Variants in FAM13A observed in about 807,000 individuals in gnomAD.
FAM13A encodes the protein protein FAM13A.
FAM13A carries 76 observed loss-of-function variants against 129.6 expected under a neutral mutation model. That is an observed-to-expected ratio of 0.59 (90% CI 0.49 to 0.71). FAM13A has a LOEUF of 0.71. FAM13A is among the 30% of genes least tolerant of loss of function. The pLI is 0.00. For synonymous variants in FAM13A, 443 were observed against 449.9 expected, an observed-to-expected ratio of 0.98 and a Z score of 0.20; for missense variants, 1,108 against 1,249.3, an observed-to-expected ratio of 0.89 and a Z score of 1.70.
chr4:88,738,262 A>G (rs1439197985), intron 20 of FAM13A, among the ~76,000 whole-genome samples: 1 of 152,216 alleles, frequency 6.6e-6, no homozygotes, highest in Non-Finnish European at 1.5e-5. Context: ...TGTGTCTGCT[A>G]AAGAGCCTAA....
At chr4:88,987,043 C>A (rs1426967967) in intron 4 of FAM13A, among the ~76,000 whole-genome samples, 5 of 152,144 alleles carry the variant, frequency 3.3e-5, no homozygotes, top group African/African-American at 1.2e-4. Flanking sequence ...CCTGAGACAT[C>A]ATCTTTAGCT....
chr4:88,802,058 G>A (rs1727573798), intron 8 of FAM13A, among the ~76,000 whole-genome samples: 2 of 152,062 alleles, frequency 1.3e-5, no homozygotes, highest in African/African-American at 2.4e-5. Context: ...CCACCAAGTT[G>A]TTTTGATGCT....
At chr4:88,896,165 C>G (rs905038413) in intron 6 of FAM13A, among the ~76,000 whole-genome samples, 4 of 151,338 alleles carry the variant, frequency 2.6e-5, no homozygotes, top group African/African-American at 9.7e-5. Flanking sequence ...TAAACTATAG[C>G]AAGAACAAAA....
chr4:89,025,199 T>C (rs1377310482), intron 2 of FAM13A, among the ~76,000 whole-genome samples: 1 of 151,418 alleles, frequency 6.6e-6, no homozygotes, highest in African/African-American at 2.4e-5. Context: ...CACACACTTG[T>C]ATGTGCTTCA....
intron 7 of FAM13A, among the ~76,000 whole-genome samples, chr4:88,806,120 T>G (rs144312194): frequency 6.6e-6 from 1 of 152,300 alleles, no homozygotes; most frequent in East Asian, 1.9e-4. Context: ...TTTAAAATTA[T>G]GCACTCATAA....
chr4:88,997,806 C>T (rs1763757847), intron 3 of FAM13A, among the ~76,000 whole-genome samples: 1 of 152,168 alleles, frequency 6.6e-6, no homozygotes, highest in East Asian at 1.9e-4. Flanking sequence ...ACCATTAAGA[C>T]AACCAAAATA....
At chr4:88,806,463 T>C (rs765673373) in intron 7 of FAM13A, among the ~76,000 whole-genome samples, 26 of 152,190 alleles carry the variant, frequency 1.7e-4, no homozygotes, top group Non-Finnish European at 3.4e-4. Flanking sequence ...TAAACTCTTA[T>C]TACAGAGTTA....
At position 88,726,581 on chromosome 4, in the gene FAM13A, C is replaced by CTGA. The variant is rs1736514761; in HGVS notation, c.*1949_*1951dup. ...GCTTTAAAAGCTAACTGGTAATGAT[C>CTGA]TGATTAATATCATAGCTTATTTAAG... On this transcript the variant is annotated 3_prime_UTR_variant, in exon 24 of 24. Coordinates refer to ENST00000264344, the MANE Select transcript of FAM13A (RefSeq NM_014883.4). 1.3e-5 allele frequency: 2 copies of CTGA among 152,486 alleles called. No homozygotes were observed. Among genetic ancestry groups the CTGA allele is most frequent in the Non-Finnish European group, 2.9e-5 (2 of 68,024 alleles). 9.4% of individuals were successfully genotyped at this position (152,486 alleles called of 1,614,324 possible).
At position 88,728,410 on chromosome 4, in the gene FAM13A, T is replaced by C; in HGVS notation, c.*123A>G. 1.7e-6 allele frequency: 2 copies of C among 1,196,640 alleles called. No individual in the cohort carries two copies. Among genetic ancestry groups the C allele is most frequent in the Non-Finnish European group, 2.4e-6 (2 of 835,222 alleles). 74.1% of individuals were successfully genotyped at this position (1,196,640 alleles called of 1,614,324 possible). ...AAACAGGAGCCGATGCCAAATGGTC[T>C]AGAGGCAGAAGGGCTGCATGCTTTG... On this transcript the variant is annotated 3_prime_UTR_variant, in exon 24 of 24. Coordinates refer to ENST00000264344, the MANE Select transcript of FAM13A (RefSeq NM_014883.4).
chr4:89,044,326 T>G (rs561738708), intron 1 of FAM13A, among the ~76,000 whole-genome samples: 9 of 152,186 alleles, frequency 5.9e-5, no homozygotes, highest in Non-Finnish European at 1.2e-4. Context: ...TAAAAGATGC[T>G]CAACATCACT....
intron 8 of FAM13A, among the ~76,000 whole-genome samples, chr4:88,799,553 C>G (rs962172134): frequency 7.2e-5 from 11 of 151,864 alleles, no homozygotes; most frequent in Admixed American, 7.2e-4. Flanking sequence ...GGCACAATCT[C>G]GGCTCACTGC....
intron 5 of FAM13A, among the ~76,000 whole-genome samples, chr4:88,927,769 T>G (rs1579320791): frequency 6.6e-6 from 1 of 152,190 alleles, no homozygotes; most frequent in African/African-American, 2.4e-5. Flanking sequence ...TTGGTTAGTC[T>G]AGTGAGTGGT....
intron 5 of FAM13A, among the ~76,000 whole-genome samples, chr4:88,915,163 T>C (rs1749909135): frequency 6.6e-6 from 1 of 152,190 alleles, no homozygotes; most frequent in Non-Finnish European, 1.5e-5. Context: ...CAGGGTCCAA[T>C]ACATATGACT....
intron 7 of FAM13A, among the ~76,000 whole-genome samples, chr4:88,823,665 C>T (rs539539120): frequency 8.5e-5 from 13 of 152,298 alleles, no homozygotes; most frequent in African/African-American, 1.2e-4. Context: ...CAAAACAAAA[C>T]GAAACAAAAA....
At chr4:88,924,638 G>A (rs1197481765) in intron 5 of FAM13A, among the ~76,000 whole-genome samples, 4 of 152,210 alleles carry the variant, frequency 2.6e-5, no homozygotes, top group East Asian at 1.9e-4. Context: ...CAGGACATAG[G>A]CATGGGCAAG....
At chr4:88,838,139 G>C (rs941392863) in intron 7 of FAM13A, among the ~76,000 whole-genome samples, 1 of 152,144 alleles carries the variant, frequency 6.6e-6, no homozygotes, top group East Asian at 1.9e-4. Context: ...ATTTATATCA[G>C]GGACTTAAGT....
At chr4:88,908,377 G>A (rs1303508435) in intron 5 of FAM13A, among the ~76,000 whole-genome samples, 3 of 152,150 alleles carry the variant, frequency 2.0e-5, no homozygotes, top group Admixed American at 2.0e-4. Context: ...TAAAACTACT[G>A]GTATGTAAAT....
rs772303771 is a variant in FAM13A at position 88,938,287 on chromosome 4, C to G, written c.606-46G>C. On this transcript the variant is annotated intron_variant, in intron 4 of 23. Coordinates refer to ENST00000264344, the MANE Select transcript of FAM13A (RefSeq NM_014883.4). ...GAGAGGAATTACTTAGTAAACACAA[C>G]AGTGCCTGCTAGCTGACTCAGACTT... 6 of 1,472,870 alleles carry G rather than the reference C, an allele frequency of 4.1e-6. No individual in the cohort carries two copies. The South Asian group carries it at 7.6e-5, about 19-fold the overall frequency. The allele number at this position is 1,472,870 out of a possible 1,614,324, so 91.2% of individuals were successfully genotyped here. A position where few individuals can be genotyped will look rare whatever the true frequency, so the allele number is the denominator to read the frequency against.
intron 9 of FAM13A, 145 bp downstream of exon 9, chr4:88,790,441 T>A: frequency 3.0e-6 from 2 of 663,232 alleles, no homozygotes; most frequent in South Asian, 4.0e-5. Flanking sequence ...CTCCTCCATA[T>A]AGTTTAAAAG....
Sources: gnomAD v4.1 joint callset for allele counts (sites outside exome capture counted in the v4.1 genomes callset) on GRCh38, gnomAD v4.1.1 for gene constraint, MANE v1.5 for transcripts, NCBI Gene and HGNC (gene_info 2026-07-23, HGNC 2026-07-21) for gene names.